Variants in CA5A observed in about 807,000 individuals in gnomAD.
CA5A encodes the protein carbonic anhydrase 5A, mitochondrial.
A neutral mutation model predicts 37.1 loss-of-function variants in CA5A; 28 were observed. That is an observed-to-expected ratio of 0.75 (90% CI 0.56 to 1.03). The LOEUF is 1.03. Ranked by LOEUF, CA5A falls within the 50% of genes least tolerant of loss-of-function variation. CA5A has a pLI of 0.00. For synonymous variants in CA5A, 171 were observed against 158.4 expected (o/e 1.08, Z -0.60); for missense variants, 444 against 399.9 (o/e 1.11, Z -0.94).
At chr16:87,895,681 G>T (rs1597546554) in intron 5 of CA5A, among the ~76,000 whole-genome samples, 1 of 152,272 alleles carries the variant, frequency 6.6e-6, no homozygotes, top group East Asian at 1.9e-4. Flanking sequence ...GGGGAAGCTT[G>T]GTACTTTTTA....
At chr16:87,927,080 G>A (rs1372008192) in intron 1 of CA5A, 135 bp from the exon 2 acceptor site, 20 of 663,212 alleles carry the variant, frequency 3.0e-5, no homozygotes, top group South Asian at 3.7e-5. Context: ...GGAAACGGGC[G>A]CGTGGGGGCC....
Position 87,888,167 on chromosome 16 carries a change from C to A in CA5A, c.880G>T (p.Ala294Ser), listed in dbSNP as rs1382046896. ...LQPLMNRKVWASFQATNEGTR... is the reference protein window; with the variant it reads ...LQPLMNRKVWSSFQATNEGTR... ...CCCTCATTAGTGGCCTGGAAGGACGCCCAGACCTTCCGGTTCATCAAGGGT... is the reference window on the plus strand; with the variant it reads ...CCCTCATTAGTGGCCTGGAAGGACGACCAGACCTTCCGGTTCATCAAGGGT... Residue 294 changes from alanine (A) to serine (S), a missense_variant, in exon 7 of 7, where the codon GCG becomes TCG. Transcript: ENST00000649794. 1 of 1,613,880 alleles carries A rather than the reference C, an allele frequency of 6.2e-7. No individual in the cohort carries two copies. Among genetic ancestry groups the A allele is most frequent in the Non-Finnish European group, 8.5e-7 (1 of 1,179,810 alleles).
At chr16:87,931,469 G>A (rs2056404269) in intron 1 of CA5A, among the ~76,000 whole-genome samples, 1 of 152,168 alleles carries the variant, frequency 6.6e-6, no homozygotes, top group Non-Finnish European at 1.5e-5. Context: ...ACATCTGTGG[G>A]CCAAAACCCT....
chr16:87,888,448 G>A (rs1255973146), intron 6 of CA5A, among the ~76,000 whole-genome samples, 176 bp from the exon 7 acceptor site: 1 of 152,104 alleles, frequency 6.6e-6, no homozygotes, highest in Non-Finnish European at 1.5e-5. Context: ...AGGCATTGCC[G>A]CTTCCGCCTT....
intron 2 of CA5A, among the ~76,000 whole-genome samples, chr16:87,907,120 A>C (rs2055972847): frequency 6.6e-6 from 1 of 152,198 alleles, no homozygotes; most frequent in Non-Finnish European, 1.5e-5. Context: ...TGGGAGGCTG[A>C]GGCAGGAGAA....
intron 1 of CA5A, among the ~76,000 whole-genome samples, chr16:87,928,197 T>G (rs1167376907): frequency 6.6e-6 from 1 of 152,094 alleles, no homozygotes; most frequent in Non-Finnish European, 1.5e-5. Flanking sequence ...TGAGATCAGG[T>G]CTCACTGTGC....
intron 3 of CA5A, among the ~76,000 whole-genome samples, chr16:87,904,291 A>G (rs2055924663): frequency 2.0e-5 from 3 of 152,028 alleles, no homozygotes; most frequent in Non-Finnish European, 2.9e-5. Context: ...GTGGTGAGCC[A>G]AGATTGCACC....
intron 1 of CA5A, 43 bp downstream of exon 1, chr16:87,936,266 C>A: frequency 7.0e-7 from 1 of 1,424,348 alleles, no homozygotes; most frequent in Non-Finnish European, 9.9e-7. Flanking sequence ...TCAGCTAAGA[C>A]AAGGATCCAG....
In CA5A at chr16:87,927,566, G is replaced by A. The variant is rs551126546; in HGVS notation, c.143-621C>T. Among the ~76,000 whole-genome samples, 392 of 152,224 alleles carry A rather than the reference G, an allele frequency of 2.6e-3. 3 individuals are homozygous for A. Among genetic ancestry groups the A allele is most frequent in the African/African-American group, 8.3e-3 (344 of 41,546 alleles). On this transcript the variant is annotated intron_variant, in intron 1 of 6. Coordinates refer to ENST00000649794, the MANE Select transcript of CA5A (RefSeq NM_001739.2). ...ATTTTTAAAGTAAGAGCCATTAATC[G>A]AAAACAGTTCAGAGGTCAGGAACAG... is the stretch of plus-strand genomic sequence containing the variant.
intron 2 of CA5A, chr16:87,923,793 A>G (rs980531047): frequency 2.0e-6 from 2 of 985,156 alleles, no homozygotes; most frequent in African/African-American, 3.5e-5. Flanking sequence ...AGCCACATCT[A>G]AAAATTATCC....
intron 1 of CA5A, among the ~76,000 whole-genome samples, chr16:87,929,313 G>A (rs201736950): frequency 4.0e-5 from 6 of 151,358 alleles, no homozygotes; most frequent in South Asian, 2.1e-4. Flanking sequence ...TTAGCCAGGC[G>A]TGGTGGCTCA....
chr16:87,931,963 G>C (rs2056412493), intron 1 of CA5A, among the ~76,000 whole-genome samples: 1 of 137,068 alleles, frequency 7.3e-6, no homozygotes, highest in African/African-American at 2.5e-5. Context: ...CTCTGAGGCT[G>C]GGCGTGGTCG....
chr16:87,883,184 C>T (rs893672499), downstream of CA5A: 6 of 152,220 alleles, frequency 3.9e-5, no homozygotes, highest in Non-Finnish European at 5.9e-5. Flanking sequence ...ACACGCCCGG[C>T]TGATTTTTCT....
intron 6 of CA5A, among the ~76,000 whole-genome samples, chr16:87,888,666 C>G (rs896295809): frequency 6.6e-6 from 1 of 152,194 alleles, no homozygotes; most frequent in African/African-American, 2.4e-5. Context: ...CCAGCTGACA[C>G]TGGGCTACAA....
intron 5 of CA5A, chr16:87,893,090 G>T (rs7194126): frequency 2.7e-6 from 2 of 752,868 alleles, no homozygotes; most frequent in Non-Finnish European, 4.3e-6. Context: ...GCTGCCTGAA[G>T]GAACAGTTTG....
At chr16:87,905,017 C>T (rs2055939055) in intron 2 of CA5A, 113 bp from the exon 3 acceptor site, 3 of 730,080 alleles carry the variant, frequency 4.1e-6, no homozygotes, top group Non-Finnish European at 7.6e-6. Flanking sequence ...CAAGGGGTTG[C>T]TGTATGGTTG....
intron 5 of CA5A, among the ~76,000 whole-genome samples, chr16:87,897,909 G>A (rs1445702219): frequency 6.6e-6 from 1 of 152,218 alleles, no homozygotes; most frequent in Non-Finnish European, 1.5e-5. Context: ...CGAGGTGTAG[G>A]GTGATGTCCC....
rs533223159 is a variant in CA5A, at chr16:87,913,223, C to T, written c.341-8319G>A. On this transcript the variant is annotated intron_variant, in intron 2 of 6. Transcript: ENST00000649794. Reference sequence around the variant, plus strand: ...CAAACTCCTGACCTCAGGTGATCCACCTGCCTCGGCCTCCCAAAGTGCTGG... The same window carrying T: ...CAAACTCCTGACCTCAGGTGATCCATCTGCCTCGGCCTCCCAAAGTGCTGG... Among the ~76,000 whole-genome samples, 781 of 152,228 alleles carry T rather than the reference C, an allele frequency of 5.1e-3. 4 individuals carry two copies. Among genetic ancestry groups the T allele is most frequent in the African/African-American group, 0.018 (740 of 41,506 alleles).
At chr16:87,902,403 C>G (rs1297520535) in intron 4 of CA5A, 22 bp downstream of exon 4, 2 of 1,429,654 alleles carry the variant, frequency 1.4e-6, no homozygotes, top group Non-Finnish European at 2.0e-6. Flanking sequence ...TTCATTAGAT[C>G]TACACCCGAG....
Sources: allele counts gnomAD v4.1 joint callset (sites outside exome capture counted in the v4.1 genomes callset), GRCh38; gene constraint gnomAD v4.1.1; transcripts MANE v1.5; gene names NCBI Gene and HGNC (gene_info 2026-07-23, HGNC 2026-07-21).